EYS: variants seen among roughly 807,000 people sequenced by gnomAD.
The protein encoded by EYS is protein eyes shut homolog.
In EYS, 250 loss-of-function variants were observed where a neutral mutation model predicts 282.1. The observed-to-expected ratio is 0.89, with a 90% CI of 0.80 to 0.98. EYS has a LOEUF of 0.98. Among genes scored for constraint, EYS ranks in the 50% least tolerant of loss-of-function variants. EYS has a pLI of 0.00. For synonymous variants in EYS, 1,355 were observed against 1,282.9 expected, an observed-to-expected ratio of 1.06 and a Z score of -1.20; for missense variants, 4,016 against 3,709.0, an observed-to-expected ratio of 1.08 and a Z score of -2.15.
At chr6:63,815,572 C>A (rs753405874) in intron 36 of EYS, among the ~76,000 whole-genome samples, 1 of 152,180 alleles carries the variant, frequency 6.6e-6, no homozygotes, top group Non-Finnish European at 1.5e-5. Flanking sequence ...ACTCATTCCT[C>A]CTTCTATATT....
chr6:65,461,201 T>G (rs904156641), intron 5 of EYS, among the ~76,000 whole-genome samples: 7 of 152,170 alleles, frequency 4.6e-5, no homozygotes, highest in Non-Finnish European at 1.0e-4. Context: ...CACAGAAGGC[T>G]AAGACCATTA....
At chr6:64,636,600 T>G (rs1458129594) in intron 22 of EYS, among the ~76,000 whole-genome samples, 1 of 152,022 alleles carries the variant, frequency 6.6e-6, no homozygotes, top group Non-Finnish European at 1.5e-5. Context: ...GGGATCTCAT[T>G]AAACTAAAGA....
chr6:64,834,314 A>G (rs375559608), intron 19 of EYS, among the ~76,000 whole-genome samples: 1 of 151,900 alleles, frequency 6.6e-6, no homozygotes, highest in Admixed American at 6.6e-5. Context: ...CTGTGTAAAG[A>G]GGTTAAAGTT....
rs533689760 is a variant in EYS at position 64,274,462 on chromosome 6, C to T, written c.6191+32508G>A. On this transcript the variant is annotated intron_variant, in intron 30 of 42. Coordinates refer to ENST00000503581, the MANE Select transcript of EYS (RefSeq NM_001142800.2). ...TCCCACAGTGCTGGGATTACAGGCG[C>T]GAGCCACCACGCCTGGCCGTTTTTT... is the stretch of plus-strand genomic sequence containing the variant. 1.8e-4 allele frequency among the ~76,000 whole-genome samples: 27 copies of T among 149,010 alleles called. 1 individual carries two copies. The highest frequency in any genetic ancestry group is 1.3e-3 in the South Asian group (6 of 4,666).
At chr6:64,945,124 TAAAAAAAAAA>T (rs763133866) in intron 15 of EYS, among the ~76,000 whole-genome samples, 1 of 112,296 alleles carries the variant, frequency 8.9e-6, no homozygotes, top group Non-Finnish European at 1.8e-5. Context: ...GTTTCTCTAT[TAAAAAAAAAA>T]AAAAAAAAAA....
chr6:65,527,802 G>T (rs1418811912), intron 2 of EYS, among the ~76,000 whole-genome samples: 1 of 150,354 alleles, frequency 6.7e-6, no homozygotes, highest in Non-Finnish European at 1.5e-5. Context: ...ATATGGGTTT[G>T]ATTTTCCACA....
chr6:65,285,139 T>C (rs1166765779), intron 12 of EYS, among the ~76,000 whole-genome samples: 1 of 151,996 alleles, frequency 6.6e-6, no homozygotes, highest in Non-Finnish European at 1.5e-5. Context: ...TTGAGAAATA[T>C]ATGTTAAAAT....
At chr6:64,999,661 G>C (rs1771397497) in intron 13 of EYS, among the ~76,000 whole-genome samples, 2 of 152,172 alleles carry the variant, frequency 1.3e-5, no homozygotes, top group South Asian at 4.1e-4. Flanking sequence ...GCTGGATGTA[G>C]TGAGAAACAC....
At chr6:64,330,417 G>A (rs1453155409) in intron 29 of EYS, among the ~76,000 whole-genome samples, 1 of 152,102 alleles carries the variant, frequency 6.6e-6, no homozygotes, top group African/African-American at 2.4e-5. Flanking sequence ...CAAAGGGAGG[G>A]GGGAAAGAAC....
chr6:65,695,532 A>T (rs1178757318), intron 1 of EYS, among the ~76,000 whole-genome samples: 1 of 152,038 alleles, frequency 6.6e-6, no homozygotes, highest in African/African-American at 2.4e-5. Flanking sequence ...TCAGTGGGAA[A>T]ATAGGAGAAT....
At chr6:64,502,108 TTG>T (rs1431183591) in intron 26 of EYS, among the ~76,000 whole-genome samples, 1 of 152,194 alleles carries the variant, frequency 6.6e-6, no homozygotes, top group African/African-American at 2.4e-5. Flanking sequence ...ATTATTACAT[TTG>T]TGTTTCTTTT....
At chr6:64,423,515 C>T (rs4521566) in intron 28 of EYS, among the ~76,000 whole-genome samples, 41,440 of 151,896 alleles carry the variant, frequency 0.27, 5,785 homozygotes, top group East Asian at 0.46. Context: ...TGAGGTGATA[C>T]AATACCAACA....
At chr6:65,516,214 A>C (rs1419526304) in intron 2 of EYS, among the ~76,000 whole-genome samples, 3 of 152,090 alleles carry the variant, frequency 2.0e-5, no homozygotes, top group Non-Finnish European at 2.9e-5. Flanking sequence ...AATGTGACAA[A>C]TTAGTTCCCT....
At chr6:64,722,515 T>TG (rs1052548356) in intron 22 of EYS, among the ~76,000 whole-genome samples, 1 of 147,970 alleles carries the variant, frequency 6.8e-6, no homozygotes, top group African/African-American at 2.5e-5. Context: ...GTAAATTATT[T>TG]GAAAAAAAAA....
intron 30 of EYS, among the ~76,000 whole-genome samples, chr6:64,263,254 G>C (rs1767648899): frequency 6.6e-6 from 1 of 151,952 alleles, no homozygotes; most frequent in African/African-American, 2.4e-5. Context: ...GCTTCTGAAA[G>C]TTTTTCTCTT....
rs141373338 is a variant in EYS, at chr6:64,071,798, T to C, written c.6572-5307A>G. Among the ~76,000 whole-genome samples the C allele has an allele frequency of 4.3e-3, 650 of 151,562 alleles. 2 individuals carry two copies. Among genetic ancestry groups the C allele is most frequent in the South Asian group, 7.9e-3 (38 of 4,800 alleles). On this transcript the variant is annotated intron_variant, in intron 32 of 42. Coordinates refer to ENST00000503581, the MANE Select transcript of EYS (RefSeq NM_001142800.2). ...TACAACACATATAAGGAGGAATGAT[T>C]TGTATCATATCCAAACAAATAAAAC... is the stretch of plus-strand genomic sequence containing the variant.
intron 2 of EYS, among the ~76,000 whole-genome samples, chr6:65,589,475 C>T (rs1428969295): frequency 6.6e-6 from 1 of 151,992 alleles, no homozygotes; most frequent in Non-Finnish European, 1.5e-5. Context: ...CACTTAAGTA[C>T]ACACACTTGT....
intron 2 of EYS, among the ~76,000 whole-genome samples, chr6:65,576,498 T>C (rs985427548): frequency 1.3e-5 from 2 of 151,914 alleles, no homozygotes; most frequent in African/African-American, 4.8e-5. Flanking sequence ...AGTTGGAAGA[T>C]TTTCCTGTAA....
intron 22 of EYS, among the ~76,000 whole-genome samples, chr6:64,674,787 T>C (rs1467410827): frequency 3.3e-5 from 5 of 151,610 alleles, no homozygotes; most frequent in Admixed American, 1.3e-4. Context: ...CACATATATA[T>C]ACACACACAT....
Sources: gnomAD v4.1 joint callset for allele counts (sites outside exome capture counted in the v4.1 genomes callset) on GRCh38, gnomAD v4.1.1 for gene constraint, MANE v1.5 for transcripts, NCBI Gene and HGNC (gene_info 2026-07-23, HGNC 2026-07-21) for gene names.